PCDHGB4: variants seen among roughly 807,000 people sequenced by gnomAD.
The protein encoded by PCDHGB4 is protocadherin gamma subfamily B, 4.
A neutral mutation model predicts 60.5 loss-of-function variants in PCDHGB4; 38 were observed. The ratio of observed to expected loss-of-function variants is 0.63; its 90% CI spans 0.48 to 0.82. The LOEUF (loss-of-function observed/expected upper bound fraction) is 0.82, where lower values mean the gene tolerates loss of function less well. Among genes scored for constraint, PCDHGB4 ranks in the 40% least tolerant of loss-of-function variants. The probability of loss-of-function intolerance (pLI) is 0.00; values close to 1 mark genes in which losing one functional copy is unlikely to be tolerated. For missense variants in PCDHGB4, 1,109 were observed against 1,209.6 expected, an observed-to-expected ratio of 0.92 and a Z score of 1.23; for synonymous variants, 456 against 509.7, an observed-to-expected ratio of 0.89 and a Z score of 1.42.
chr5:141,505,345 G>A (rs776607130), intron 2 of PCDHGB4, 48 bp from the exon 3 acceptor site: 13 of 1,613,086 alleles, frequency 8.1e-6, no homozygotes, highest in Non-Finnish European at 1.1e-5. Flanking sequence ...AGGGGCATGA[G>A]CTGTGCCGGC....
chr5:141,429,765 T>C (rs897963458), intron 1 of PCDHGB4, among the ~76,000 whole-genome samples: 1 of 152,230 alleles, frequency 6.6e-6, no homozygotes, highest in East Asian at 1.9e-4. Flanking sequence ...TTTCCCTATA[T>C]TTTGATGGGC....
chr5:141,483,245 A>G (rs2099578786), intron 1 of PCDHGB4, among the ~76,000 whole-genome samples: 1 of 151,456 alleles, frequency 6.6e-6, no homozygotes, highest in Non-Finnish European at 1.5e-5. Flanking sequence ...TGATATGCAT[A>G]TATCATGAGG....
At chr5:141,433,866 T>C (rs1191114798) in intron 1 of PCDHGB4, among the ~76,000 whole-genome samples, 1 of 151,870 alleles carries the variant, frequency 6.6e-6, no homozygotes, top group African/African-American at 2.4e-5. Context: ...CTTTATCCTC[T>C]AGTTTCATCC....
chr5:141,404,676 T>G lies in PCDHGB4; in HGVS notation c.2397+14395T>G, dbSNP rs904942152. The stretch of plus-strand genomic sequence containing the variant: ...CTCCCCACTGATGGTTCTACTGGTG[T>G]GGAGCTGGCACCCCGCTCTGCAGAG... On this transcript the variant is annotated intron_variant, in intron 1 of 3. Transcript: ENST00000519479. 3.1e-6 allele frequency: 5 copies of G among 1,614,010 alleles called. No individual in the cohort carries two copies. In the African/African-American group the frequency reaches 6.7e-5, roughly 22 times the overall value.
At position 141,490,821 on chromosome 5, in the gene PCDHGB4, G is replaced by A. The variant is rs907584239; in HGVS notation, c.2398-3986G>A. On this transcript the variant is annotated intron_variant, in intron 1 of 3. Transcript: ENST00000519479. The surrounding 1 kb of genome is among the most constrained non-coding windows in gnomAD (Gnocchi z 5.4). ...AGCGTACCTTTGACTATGAATTGCT[G>A]CAGATGCTGCAGATTGTGGTGGGGG... 6.2e-7 allele frequency: 1 copy of A among 1,613,876 alleles called. No homozygotes were observed. Among genetic ancestry groups the A allele is most frequent in the Non-Finnish European group, 8.5e-7 (1 of 1,179,826 alleles).
intron 3 of PCDHGB4, chr5:141,507,424 G>C (rs577364087): frequency 6.6e-6 from 1 of 152,202 alleles, no homozygotes; most frequent in African/African-American, 2.4e-5. Context: ...GGTTAAGTGG[G>C]GCCAGGCCTA....
At chr5:141,434,698 A>G (rs2097710714) in intron 1 of PCDHGB4, among the ~76,000 whole-genome samples, 1 of 152,070 alleles carries the variant, frequency 6.6e-6, no homozygotes, top group South Asian at 2.1e-4. Context: ...GTTAATAAAT[A>G]TGTGGGTAAA....
At position 141,477,961 on chromosome 5, in the gene PCDHGB4, C is replaced by T. The variant is rs199947431; in HGVS notation, c.2398-16846C>T. 21 of 1,614,048 alleles carry T rather than the reference C, an allele frequency of 1.3e-5. No homozygotes were observed. The Admixed American group carries it at 1.5e-4, about 12-fold the overall frequency. On this transcript the variant is annotated intron_variant, in intron 1 of 3. Coordinates refer to ENST00000519479, the MANE Select transcript of PCDHGB4 (RefSeq NM_003736.4). The surrounding 1 kb of genome is among the most constrained non-coding windows in gnomAD (Gnocchi z 4.9). Reference sequence around the variant, plus strand: ...CCTACAGTCTCTTGGGATCCCCTAACCAGAGCCTTTTTGCCATAGGGCTGC... The same window carrying T: ...CCTACAGTCTCTTGGGATCCCCTAATCAGAGCCTTTTTGCCATAGGGCTGC...
rs772043134 is a variant in PCDHGB4, at chr5:141,432,746, G to A, written c.2397+42465G>A. 1.2e-6 allele frequency: 2 copies of A among 1,614,098 alleles called. No homozygotes were observed. Among genetic ancestry groups the A allele is most frequent in the East Asian group, 4.5e-5 (2 of 44,860 alleles). On this transcript the variant is annotated intron_variant, in intron 1 of 3. Coordinates refer to ENST00000519479, the MANE Select transcript of PCDHGB4 (RefSeq NM_003736.4). The surrounding 1 kb of genome is among the most constrained non-coding windows in gnomAD (Gnocchi z 6.0). ...CTCCGCCACTGTCACGCTCACCGTGGCCGTGGCCGACAGCATCCCCCAAGT... is the reference window on the plus strand; with the variant it reads ...CTCCGCCACTGTCACGCTCACCGTGACCGTGGCCGACAGCATCCCCCAAGT...
At chr5:141,404,752 G>A (rs774409689) in intron 1 of PCDHGB4, 1 of 1,614,010 alleles carries the variant, frequency 6.2e-7, no homozygotes, top group Non-Finnish European at 8.5e-7. Context: ...ACTCAGGCCA[G>A]AATGCTTGGC....
At position 141,489,314 on chromosome 5, in the gene PCDHGB4, G is replaced by C. The variant is rs374235290; in HGVS notation, c.2398-5493G>C. The stretch of plus-strand genomic sequence containing the variant: ...TGCATGTTGTCCTTGTGCTGCTGGG[G>C]CTGGGTGTCTGGGCAGCTTCGTTAC... On this transcript the variant is annotated intron_variant, in intron 1 of 3. Coordinates refer to ENST00000519479, the MANE Select transcript of PCDHGB4 (RefSeq NM_003736.4). This position sits in a 1 kb window ranked among gnomAD's most constrained non-coding sequence, Gnocchi z 4.5. 2 of 1,596,790 alleles carry C rather than the reference G, an allele frequency of 1.3e-6. No homozygotes were observed. The highest frequency in any genetic ancestry group is 2.2e-5 in the East Asian group (1 of 44,724).
At chr5:141,444,205 CTT>C in intron 1 of PCDHGB4, among the ~76,000 whole-genome samples, 1 of 77,932 alleles carries the variant, frequency 1.3e-5, no homozygotes. Context: ...GAGTTTCACT[CTT>C]GTTGCCCAGG....
At chr5:141,478,127 C>A (rs1323163663) in intron 1 of PCDHGB4, 1 of 1,614,106 alleles carries the variant, frequency 6.2e-7, no homozygotes, top group South Asian at 1.1e-5. Flanking sequence ...CGAGGACTCT[C>A]CTGAAGCCCG....
chr5:141,497,540 CTT>C (rs754207034), intron 2 of PCDHGB4, among the ~76,000 whole-genome samples: 114 of 134,852 alleles, frequency 8.5e-4, no homozygotes, highest in Middle Eastern at 3.7e-3. Context: ...TGCAACAAAC[CTT>C]TTTTTTTTTT....
chr5:141,412,215 C>T (rs1265657058), intron 1 of PCDHGB4: 1 of 152,240 alleles, frequency 6.6e-6, no homozygotes, highest in Non-Finnish European at 1.5e-5. Flanking sequence ...GACATAAACA[C>T]TTACTTGTTA....
chr5:141,429,048 G>A (rs2097180589), intron 1 of PCDHGB4: 5 of 152,064 alleles, frequency 3.3e-5, no homozygotes, highest in Admixed American at 3.3e-4. Context: ...TACAGACGGG[G>A]TTTCACCGTG....
chr5:141,399,472 C>T lies in PCDHGB4; in HGVS notation c.2397+9191C>T, dbSNP rs763239278. On this transcript the variant is annotated intron_variant, in intron 1 of 3. Transcript: ENST00000519479. ...CGTCAACGATAACGCTCCGGTTTTCCACCAGGCGTCCTACTTAGTCAGTGT... is the reference window on the plus strand; with the variant it reads ...CGTCAACGATAACGCTCCGGTTTTCTACCAGGCGTCCTACTTAGTCAGTGT... 29 of 1,613,908 alleles carry T rather than the reference C, an allele frequency of 1.8e-5. No individual in the cohort carries two copies. The South Asian group carries it at 2.9e-4, about 16-fold the overall frequency.
chr5:141,434,724 C>T (rs2097712360), intron 1 of PCDHGB4, among the ~76,000 whole-genome samples: 2 of 151,800 alleles, frequency 1.3e-5, no homozygotes, highest in Admixed American at 1.3e-4. Flanking sequence ...GTTCAGGGCT[C>T]TCAGCTCTGA....
At chr5:141,415,396 G>C (rs11575962) in intron 1 of PCDHGB4, 2 of 1,614,204 alleles carry the variant, frequency 1.2e-6, no homozygotes, top group Non-Finnish European at 1.7e-6. Flanking sequence ...AGGTGTGTCC[G>C]GCTCGCACTT....
Sources: allele counts gnomAD v4.1 joint callset (sites outside exome capture counted in the v4.1 genomes callset), GRCh38; gene constraint gnomAD v4.1.1; non-coding constraint Gnocchi (gnomAD v3.1); transcripts MANE v1.5; gene names NCBI Gene and HGNC (gene_info 2026-07-23, HGNC 2026-07-21).